The following CAST variants were observed in gnomAD, a reference collection of about 807,000 sequenced individuals.
The protein encoded by CAST is MIR583 host.
In CAST, 76 loss-of-function variants were observed where a neutral mutation model predicts 119.6. That is an observed-to-expected ratio of 0.64 (90% CI 0.53 to 0.77). The LOEUF is 0.77. Ranked by LOEUF, CAST falls within the 30% of genes least tolerant of loss-of-function variation. The pLI, the probability that CAST is intolerant of heterozygous loss-of-function variation, is 0.00. For synonymous variants in CAST, 319 were observed against 331.6 expected (o/e 0.96, Z 0.41); for missense variants, 953 against 946.5 (o/e 1.01, Z -0.09).
At chr5:96,407,631 A>T in the CAST span, among the ~76,000 whole-genome samples, 1 of 152,216 alleles carries the variant, frequency 6.6e-6, no homozygotes, top group African/African-American at 2.4e-5. Flanking sequence ...GATGACAACT[A>T]ATATTTACTG....
In CAST at chr5:96,741,490, T is replaced by C. The variant is rs781076021; in HGVS notation, c.1012-4T>C. Reference sequence around the variant, plus strand: ...AGTCTAATCTTTTGTATTTTGTTTTTCAGGAATCTACAGAAGTTTTAAAAG... The same window carrying C: ...AGTCTAATCTTTTGTATTTTGTTTTCCAGGAATCTACAGAAGTTTTAAAAG... On this transcript the variant is annotated splice_polypyrimidine_tract_variant and splice_region_variant and intron_variant, in intron 14 of 31. Transcript: ENST00000675179. 12 of 1,608,032 alleles carry C rather than the reference T, an allele frequency of 7.5e-6. No homozygotes were observed. Among genetic ancestry groups the C allele is most frequent in the Non-Finnish European group, 1.0e-5 (12 of 1,174,816 alleles).
At chr5:96,366,890 G>C in the CAST span, among the ~76,000 whole-genome samples, 1 of 152,216 alleles carries the variant, frequency 6.6e-6, no homozygotes, top group Non-Finnish European at 1.5e-5. Context: ...TTCCTTTGGA[G>C]GGGGAGAGGC....
At chr5:96,114,111 A>G in the CAST span, among the ~76,000 whole-genome samples, 9 of 152,244 alleles carry the variant, frequency 5.9e-5, no homozygotes, top group African/African-American at 1.9e-4. Context: ...CAGCAAAGGT[A>G]AAACATTTTT....
chr5:96,412,223 A>G, the CAST span: 1 of 1,082,186 alleles, frequency 9.2e-7, no homozygotes, highest in Non-Finnish European at 1.4e-6. Flanking sequence ...GAAATCCACA[A>G]CAATGTTATT....
At chr5:96,259,844 T>G in the CAST span, among the ~76,000 whole-genome samples, 1 of 151,948 alleles carries the variant, frequency 6.6e-6, no homozygotes, top group African/African-American at 2.4e-5. Context: ...AATTGAGCGA[T>G]GAAGACCCAC....
At chr5:96,432,049 A>G in the CAST span, 1 of 1,469,404 alleles carries the variant, frequency 6.8e-7, no homozygotes, top group Non-Finnish European at 9.2e-7. Flanking sequence ...ACAGGCAACA[A>G]TAAGCTGAAA....
intron 1 of CAST, among the ~76,000 whole-genome samples, chr5:96,628,713 C>G (rs1233606186): frequency 6.6e-6 from 1 of 152,202 alleles, no homozygotes; most frequent in East Asian, 1.9e-4. Context: ...ATCTAAGTCA[C>G]AGATATGTGG....
the CAST span, among the ~76,000 whole-genome samples, chr5:96,439,886 T>C: frequency 6.6e-6 from 1 of 152,142 alleles, no homozygotes; most frequent in Non-Finnish European, 1.5e-5. Flanking sequence ...TCCCTAATTA[T>C]GGTTAGAAGA....
At chr5:96,308,963 C>A in the CAST span, 2 of 152,380 alleles carry the variant, frequency 1.3e-5, no homozygotes, top group African/African-American at 4.8e-5. Flanking sequence ...GGCAGTCTGT[C>A]CCTTATCATA....
At chr5:96,240,125 A>G in the CAST span, among the ~76,000 whole-genome samples, 3 of 152,220 alleles carry the variant, frequency 2.0e-5, no homozygotes, top group Non-Finnish European at 4.4e-5. Flanking sequence ...ATTATACCAT[A>G]GATTATTTTC....
the CAST span, among the ~76,000 whole-genome samples, chr5:96,146,209 A>C: frequency 1.3e-5 from 2 of 152,246 alleles, no homozygotes; most frequent in African/African-American, 4.8e-5. Flanking sequence ...ATGTTTGAAA[A>C]AAAATGAGGG....
At chr5:96,394,260 C>G in the CAST span, among the ~76,000 whole-genome samples, 1 of 152,186 alleles carries the variant, frequency 6.6e-6, no homozygotes, top group African/African-American at 2.4e-5. Flanking sequence ...TTCTCACCAT[C>G]TGATAGAAGG....
the CAST span, among the ~76,000 whole-genome samples, chr5:96,223,046 C>T: frequency 2.6e-5 from 4 of 152,046 alleles, no homozygotes; most frequent in African/African-American, 9.7e-5. Flanking sequence ...TCATATCACT[C>T]ATATGTGGAA....
chr5:96,145,485 T>C, the CAST span, among the ~76,000 whole-genome samples: 1 of 152,170 alleles, frequency 6.6e-6, no homozygotes, highest in African/African-American at 2.4e-5. Context: ...GGATAGGTAG[T>C]AAAATTACTA....
Position 96,565,283 on chromosome 5 carries a change from G to A in CAST, c.60+35403G>A, listed in dbSNP as rs549069449. Among the ~76,000 whole-genome samples the A allele has an allele frequency of 2.0e-5, 3 of 151,996 alleles. No homozygotes were observed. The East Asian group carries it at 5.8e-4, about 29-fold the overall frequency. ...GGATTTTAAATGATATGATAAATATGAAGAAATAAATATTTGAGGTGATAA... is the reference window on the plus strand; with the variant it reads ...GGATTTTAAATGATATGATAAATATAAAGAAATAAATATTTGAGGTGATAA... On this transcript the variant is annotated intron_variant, in intron 1 of 11. Coordinates refer to the CAST transcript ENST00000505143.
chr5:96,698,016 A>C (rs1753495900), intron 3 of CAST, among the ~76,000 whole-genome samples: 1 of 152,226 alleles, frequency 6.6e-6, no homozygotes, highest in Non-Finnish European at 1.5e-5. Flanking sequence ...ATACACTTAA[A>C]TTATGCCACT....
At chr5:96,512,844 C>A in the CAST span, among the ~76,000 whole-genome samples, 1 of 152,082 alleles carries the variant, frequency 6.6e-6, no homozygotes, top group African/African-American at 2.4e-5. Context: ...CTCCTGTCAC[C>A]TTTTCAGATA....
At chr5:96,365,893 T>C in the CAST span, among the ~76,000 whole-genome samples, 1 of 152,318 alleles carries the variant, frequency 6.6e-6, no homozygotes, top group African/African-American at 2.4e-5. Flanking sequence ...GTTATTTTGC[T>C]CATTAGTTGA....
At chr5:96,349,218 A>G in the CAST span, among the ~76,000 whole-genome samples, 1 of 147,650 alleles carries the variant, frequency 6.8e-6, no homozygotes, top group Non-Finnish European at 1.5e-5. Context: ...AATTTGCAAA[A>G]TTGAACTAAA....
Sources: allele counts gnomAD v4.1 joint callset (sites outside exome capture counted in the v4.1 genomes callset), GRCh38; gene constraint gnomAD v4.1.1; transcripts MANE v1.5; gene names NCBI Gene and HGNC (gene_info 2026-07-23, HGNC 2026-07-21).